Variants in FAR2 observed in about 807,000 individuals in gnomAD.
FAR2 encodes fatty acyl-CoA reductase 2.
In FAR2, 19 loss-of-function variants were observed where a neutral mutation model predicts 56.0. The ratio of observed to expected loss-of-function variants is 0.34; its 90% CI spans 0.24 to 0.50. FAR2 has a LOEUF of 0.50. FAR2 is among the 20% of genes least tolerant of loss of function. The probability of loss-of-function intolerance (pLI) is 0.98; values close to 1 mark genes in which losing one functional copy is unlikely to be tolerated. For missense variants in FAR2, 508 were observed against 642.2 expected (o/e 0.79, Z 2.26); for synonymous variants, 219 against 218.8 (o/e 1.00, Z -0.01).
rs12814930 is a variant in FAR2 at position 29,281,407 on chromosome 12, C to G, written c.189+10769C>G. ...CTCTAAATCTAATCTCTGGGAGGAACCTTCTTTTCCATTATTATTTGTGGT... is the reference window on the plus strand; with the variant it reads ...CTCTAAATCTAATCTCTGGGAGGAAGCTTCTTTTCCATTATTATTTGTGGT... On this transcript the variant is annotated intron_variant, in intron 2 of 11. Coordinates refer to ENST00000536681, the MANE Select transcript of FAR2 (RefSeq NM_001271783.2). The G allele has an allele frequency of 2.0e-5, 3 of 152,054 alleles. No homozygotes were observed. In the East Asian group the frequency reaches 5.8e-4, roughly 30 times the overall value. The allele number at this position is 152,054 out of a possible 1,614,324, so 9.4% of individuals were successfully genotyped here.
chr12:29,293,583 A>G (rs1949009009), intron 3 of FAR2, 108 bp downstream of exon 3: 4 of 1,055,288 alleles, frequency 3.8e-6, no homozygotes, highest in Admixed American at 6.3e-5. Context: ...AAAGACATAC[A>G]AAGAAGCAAA....
intron 1 of FAR2, among the ~76,000 whole-genome samples, chr12:29,242,262 A>G (rs16934061): frequency 0.12 from 18,333 of 152,238 alleles, 1,257 homozygotes; most frequent in Middle Eastern, 0.24. Context: ...CTTTAAAAAA[A>G]TTATTGTTAA....
intron 1 of FAR2, among the ~76,000 whole-genome samples, chr12:29,161,366 C>G (rs1949780198): frequency 1.3e-5 from 2 of 152,310 alleles, no homozygotes; most frequent in South Asian, 2.1e-4. Context: ...ATTAGCTTTA[C>G]CAGTTTTTGG....
At chr12:29,262,618 A>G (rs574914450) in intron 1 of FAR2, among the ~76,000 whole-genome samples, 5 of 152,256 alleles carry the variant, frequency 3.3e-5, no homozygotes, top group African/African-American at 1.2e-4. Flanking sequence ...CAACAAGAGC[A>G]AAATTCCATC....
chr12:29,207,375 A>C (rs1947488016), intron 1 of FAR2, among the ~76,000 whole-genome samples: 1 of 152,206 alleles, frequency 6.6e-6, no homozygotes, highest in Non-Finnish European at 1.5e-5. Flanking sequence ...AATGTGATTC[A>C]GAAAGTACAA....
At chr12:29,184,422 CTTTTTTTTTTTTT>C (rs71042961) in intron 1 of FAR2, among the ~76,000 whole-genome samples, 15 of 59,720 alleles carry the variant, frequency 2.5e-4, no homozygotes, top group African/African-American at 7.3e-4. Flanking sequence ...AATCTAGCAT[CTTTTTTTTTTTTT>C]TTTTTTTTTT....
At chr12:29,313,601 G>C (rs1042541011) in intron 8 of FAR2, among the ~76,000 whole-genome samples, 1 of 152,016 alleles carries the variant, frequency 6.6e-6, no homozygotes, top group Non-Finnish European at 1.5e-5. Context: ...AATAGTTAAA[G>C]AATTTTGCAG....
chr12:29,161,369 G>A (rs192033556), intron 1 of FAR2, among the ~76,000 whole-genome samples: 1 of 152,234 alleles, frequency 6.6e-6, no homozygotes, highest in African/African-American at 2.4e-5. Context: ...AGCTTTACCA[G>A]TTTTTGGAGT....
intron 9 of FAR2, among the ~76,000 whole-genome samples, chr12:29,318,090 G>A (rs1158092391): frequency 6.6e-6 from 1 of 152,228 alleles, no homozygotes; most frequent in African/African-American, 2.4e-5. Context: ...CAATTCTCGT[G>A]ATCAAGAATC....
chr12:29,293,792 A>G (rs938823347), intron 3 of FAR2, among the ~76,000 whole-genome samples: 1 of 152,134 alleles, frequency 6.6e-6, no homozygotes, highest in Non-Finnish European at 1.5e-5. Flanking sequence ...TAAATATTCT[A>G]TTATAATTTG....
chr12:29,245,648 G>C (rs1421083517), intron 1 of FAR2, among the ~76,000 whole-genome samples: 1 of 152,086 alleles, frequency 6.6e-6, no homozygotes, highest in African/African-American at 2.4e-5. Flanking sequence ...CTCATTCTCA[G>C]CCTCTTCTGG....
At chr12:29,187,110 C>A (rs1048246345) in intron 1 of FAR2, among the ~76,000 whole-genome samples, 2 of 152,106 alleles carry the variant, frequency 1.3e-5, no homozygotes, top group African/African-American at 4.8e-5. Context: ...TATAACTGTT[C>A]TTGGTAGTAG....
chr12:29,176,678 T>C (rs2136593189), intron 1 of FAR2, among the ~76,000 whole-genome samples: 1 of 152,356 alleles, frequency 6.6e-6, no homozygotes, highest in African/African-American at 2.4e-5. Context: ...GAAATGATGC[T>C]ATAAATATAG....
chr12:29,327,900 A>C (rs1473307078), intron 10 of FAR2, among the ~76,000 whole-genome samples: 1 of 152,158 alleles, frequency 6.6e-6, no homozygotes, highest in Non-Finnish European at 1.5e-5. Context: ...CAAAATTGAC[A>C]AATGGGATCT....
intron 6 of FAR2, among the ~76,000 whole-genome samples, chr12:29,309,521 G>C (rs1402414730): frequency 3.3e-5 from 5 of 152,054 alleles, no homozygotes; most frequent in Non-Finnish European, 7.4e-5. Flanking sequence ...CAAGATGGGG[G>C]TATTTCCTCC....
At chr12:29,177,422 A>G (rs1395261065) in intron 1 of FAR2, among the ~76,000 whole-genome samples, 1 of 152,216 alleles carries the variant, frequency 6.6e-6, no homozygotes, top group East Asian at 1.9e-4. Flanking sequence ...TATTATAAAA[A>G]TACTTCTGTG....
chr12:29,208,664 G>T (rs1423153599), intron 1 of FAR2, among the ~76,000 whole-genome samples: 2 of 151,980 alleles, frequency 1.3e-5, no homozygotes, highest in African/African-American at 4.8e-5. Context: ...AAAAAAAAAT[G>T]CCCACCTGTT....
chr12:29,207,539 T>G (rs1174597423), intron 1 of FAR2, among the ~76,000 whole-genome samples: 1 of 152,336 alleles, frequency 6.6e-6, no homozygotes, highest in Non-Finnish European at 1.5e-5. Flanking sequence ...GAATTACGGA[T>G]GCTTTCACTA....
intron 1 of FAR2, among the ~76,000 whole-genome samples, chr12:29,204,301 C>T (rs903672014): frequency 6.6e-6 from 1 of 151,952 alleles, no homozygotes; most frequent in Non-Finnish European, 1.5e-5. Context: ...AGACACGGCC[C>T]CTGTCTTCAC....
Sources: allele counts gnomAD v4.1 joint callset (sites outside exome capture counted in the v4.1 genomes callset), GRCh38; gene constraint gnomAD v4.1.1; transcripts MANE v1.5; gene names NCBI Gene and HGNC (gene_info 2026-07-23, HGNC 2026-07-21).